Variants in USP45 observed in about 807,000 individuals in gnomAD.
The protein encoded by USP45 is ubiquitin carboxyl-terminal hydrolase 45.
A neutral mutation model predicts 95.8 loss-of-function variants in USP45; 89 were observed. The observed-to-expected ratio is 0.93, with a 90% CI of 0.78 to 1.11. USP45 has a LOEUF of 1.11. Ranked by LOEUF, USP45 falls within the 50% of genes least tolerant of loss-of-function variation. The probability of loss-of-function intolerance (pLI) is 0.00; values close to 1 mark genes in which losing one functional copy is unlikely to be tolerated. For missense variants in USP45, 898 were observed against 942.5 expected, an observed-to-expected ratio of 0.95 and a Z score of 0.62; for synonymous variants, 281 against 316.2, an observed-to-expected ratio of 0.89 and a Z score of 1.18.
In USP45 at chr6:99,473,310, C is replaced by A. The variant is rs147907769; in HGVS notation, c.933+2833G>T. Among the ~76,000 whole-genome samples the A allele has an allele frequency of 6.5e-3, 987 of 151,862 alleles. 12 individuals carry two copies. Among genetic ancestry groups the A allele is most frequent in the African/African-American group, 0.023 (952 of 41,396 alleles). ...ATCCCAGCACTTTGGGAGGCCGAGG[C>A]AGGCAGATTACTTGAGGTCCGGAGT... On this transcript the variant is annotated intron_variant, in intron 9 of 17. Coordinates refer to ENST00000500704, the MANE Select transcript of USP45 (RefSeq NM_001346022.3).
intron 8 of USP45, among the ~76,000 whole-genome samples, chr6:99,479,142 A>G (rs1450516680): frequency 7.9e-6 from 1 of 127,114 alleles, no homozygotes; most frequent in Non-Finnish European, 1.6e-5. Flanking sequence ...CATTGAATGA[A>G]TGTATGTATA....
At chr6:99,501,810 A>C in intron 5 of USP45, 1 of 790,314 alleles carries the variant, frequency 1.3e-6, no homozygotes, top group Non-Finnish European at 1.7e-6. Flanking sequence ...ACTGTTATAT[A>C]ATAAAGGATC....
At chr6:99,487,779 C>G (rs1008397429) in intron 7 of USP45, among the ~76,000 whole-genome samples, 20 of 151,942 alleles carry the variant, frequency 1.3e-4, no homozygotes, top group African/African-American at 3.9e-4. Context: ...TGCACTCCAG[C>G]GACAGAGCGA....
rs1782546974 is a variant in USP45, at chr6:99,446,321, T to C, written c.1451A>G (p.Glu484Gly). The C allele has an allele frequency of 6.2e-7, 1 of 1,614,238 alleles. No individual in the cohort carries two copies. Among genetic ancestry groups the C allele is most frequent in the Non-Finnish European group, 8.5e-7 (1 of 1,180,032 alleles). Residue 484 changes from glutamate (E) to glycine (G), a missense_variant, in exon 14 of 18, where the codon GAA (glutamate) becomes GGA (glycine). Coordinates refer to ENST00000500704, the MANE Select transcript of USP45 (RefSeq NM_001346022.3). ...SLMNSESRLN[E>G]SPTDDSEKEA... ...TTTTTCACTGTCATCAGTAGGGCTT[T>C]CATTCAGACGTGACTCAGAATTCAT... is the stretch of plus-strand genomic sequence containing the variant.
intron 15 of USP45, among the ~76,000 whole-genome samples, chr6:99,442,011 T>C (rs1393476648): frequency 6.6e-6 from 1 of 152,180 alleles, no homozygotes; most frequent in Admixed American, 6.5e-5. Context: ...ACACAGGCAT[T>C]GCTTAGGGAC....
rs200670778 is a variant in USP45, at chr6:99,488,211, C to T, written c.703G>A (p.Asp235Asn). The T allele has an allele frequency of 2.5e-6, 4 of 1,608,520 alleles. No individual in the cohort carries two copies. The highest frequency in any genetic ancestry group is 3.4e-6 in the Non-Finnish European group (4 of 1,175,740). Residue 235 changes from aspartate to asparagine, a missense_variant, in exon 7 of 18, where the codon GAC (aspartate) becomes AAC (asparagine). Physicochemically the swap from Asp to Asn is conservative, Grantham distance 23 (BLOSUM62 1). Transcript: ENST00000500704. ...CAGTTATTACTCACCAGCTGAGAGT[C>T]TGAGGAAGGAAAAATCTTGAGTTTT... ...STKLKIFPSS[D>N]SQLDPLVVEL... is the part of the protein sequence containing the mutation.
intron 14 of USP45, among the ~76,000 whole-genome samples, chr6:99,445,561 T>A (rs184795527): frequency 1.3e-5 from 2 of 152,152 alleles, no homozygotes; most frequent in East Asian, 1.9e-4. Context: ...TAAGATTATA[T>A]GGGTTTGCAT....
Position 99,465,152 on chromosome 6 carries a change from C to T in USP45, c.1108-16G>A. 1 of 1,571,096 alleles carries T rather than the reference C, an allele frequency of 6.4e-7. No homozygotes were observed. The highest frequency in any genetic ancestry group is 1.2e-5 in the South Asian group (1 of 83,176). ...CCGTGGAGATCTTAAAAGGAAAACA[C>T]ATTGAAAACTTCAGTTAGAATTCTA... On this transcript the variant is annotated splice_polypyrimidine_tract_variant and intron_variant, in intron 11 of 17. Coordinates refer to ENST00000500704, the MANE Select transcript of USP45 (RefSeq NM_001346022.3).
At chr6:99,450,564 T>C (rs1199206009) in intron 13 of USP45, among the ~76,000 whole-genome samples, 1 of 152,078 alleles carries the variant, frequency 6.6e-6, no homozygotes, top group African/African-American at 2.4e-5. Flanking sequence ...TCAAAAAAAG[T>C]TGAGGACCAG....
At chr6:99,451,498 G>A in intron 13 of USP45, among the ~76,000 whole-genome samples, 1 of 152,156 alleles carries the variant, frequency 6.6e-6, no homozygotes, top group East Asian at 1.9e-4. Context: ...TCTTCAAGGA[G>A]AACTACAAAC....
At chr6:99,471,549 T>C (rs953622843) in intron 9 of USP45, among the ~76,000 whole-genome samples, 38 of 152,142 alleles carry the variant, frequency 2.5e-4, no homozygotes, top group African/African-American at 9.2e-4. Flanking sequence ...GAAGCATAAA[T>C]GTATAAATTA....
intron 15 of USP45, 118 bp from the exon 16 acceptor site, chr6:99,439,973 CTAATG>C: frequency 3.2e-6 from 2 of 621,926 alleles, no homozygotes; most frequent in Non-Finnish European, 5.3e-6. Context: ...AAAAATGTGA[CTAATG>C]TATAGTCTAA....
intron 14 of USP45, 66 bp from the exon 15 acceptor site, chr6:99,443,728 A>C (rs1781949561): frequency 7.7e-6 from 8 of 1,045,192 alleles, no homozygotes; most frequent in Non-Finnish European, 1.1e-5. Context: ...ATATAATAAA[A>C]ATTTATACAG....
intron 7 of USP45, among the ~76,000 whole-genome samples, chr6:99,486,613 A>T (rs995194096): frequency 3.1e-5 from 3 of 95,320 alleles, no homozygotes; most frequent in African/African-American, 4.9e-5. Context: ...TATATATATA[A>T]AAAGGAGGTT....
rs748946567 is a variant in USP45 at position 99,480,711 on chromosome 6, A to AT, written c.845+2041dup. On this transcript the variant is annotated intron_variant, in intron 8 of 17. Transcript: ENST00000500704. ...GAATAGTTTGAAAAGGATGACCAAA[A>AT]TTTGAGAACTTATGCTACTCAATTG... Among the ~76,000 whole-genome samples the AT allele has an allele frequency of 2.6e-5, 4 of 152,108 alleles. No individual in the cohort carries two copies. The South Asian group carries it at 8.3e-4, about 32-fold the overall frequency.
chr6:99,505,052 G>A (rs928916472), intron 4 of USP45, among the ~76,000 whole-genome samples: 2 of 152,104 alleles, frequency 1.3e-5, no homozygotes, highest in East Asian at 1.9e-4. Context: ...TTTGTTAACA[G>A]GCTAAAAAAT....
intron 10 of USP45, 53 bp from the exon 11 acceptor site, chr6:99,466,816 A>T (rs1788099606): frequency 7.5e-7 from 1 of 1,329,450 alleles, no homozygotes; most frequent in East Asian, 2.3e-5. Flanking sequence ...TCCATCTAGC[A>T]GTATAATAGG....
rs562247149 is a variant in USP45, at chr6:99,448,951, C to T, written c.1309-2488G>A. Among the ~76,000 whole-genome samples, 295 of 152,220 alleles carry T rather than the reference C, an allele frequency of 1.9e-3. 1 individual carries two copies. The highest frequency in any genetic ancestry group is 6.9e-3 in the African/African-American group (285 of 41,552). ...TTCATAAGTGAACGAGAAATAAAATCCTTTACAGACAAGCAAATGCTGAGA... is the reference window on the plus strand; with the variant it reads ...TTCATAAGTGAACGAGAAATAAAATTCTTTACAGACAAGCAAATGCTGAGA... On this transcript the variant is annotated intron_variant, in intron 13 of 17. Coordinates refer to ENST00000500704, the MANE Select transcript of USP45 (RefSeq NM_001346022.3).
intron 15 of USP45, 123 bp from the exon 16 acceptor site, chr6:99,439,978 G>T: frequency 1.8e-6 from 1 of 568,574 alleles, no homozygotes; most frequent in Non-Finnish European, 3.0e-6. Flanking sequence ...TGTGACTAAT[G>T]TATAGTCTAA....
Sources: gnomAD v4.1 joint callset for allele counts (sites outside exome capture counted in the v4.1 genomes callset) on GRCh38, gnomAD v4.1.1 for gene constraint, MANE v1.5 for transcripts, NCBI Gene and HGNC (gene_info 2026-07-23, HGNC 2026-07-21) for gene names.